SUN1: variants seen among roughly 807,000 people sequenced by gnomAD.
The protein encoded by SUN1 is SUN domain-containing protein 1.
A neutral mutation model predicts 103.2 loss-of-function variants in SUN1; 61 were observed. That is an observed-to-expected ratio of 0.59 (90% CI 0.48 to 0.73). SUN1 has a LOEUF of 0.73. Among genes scored for constraint, SUN1 ranks in the 30% least tolerant of loss-of-function variants. The pLI, the probability that SUN1 is intolerant of heterozygous loss-of-function variation, is 0.00. For synonymous variants in SUN1, 490 were observed against 425.7 expected, an observed-to-expected ratio of 1.15 and a Z score of -1.86; for missense variants, 1,052 against 1,034.6, an observed-to-expected ratio of 1.02 and a Z score of -0.23.
chr7:851,972 C>G lies in SUN1; in HGVS notation c.780C>G (p.Phe260Leu), dbSNP rs1261213662. Residue 260 changes from phenylalanine to leucine, a missense_variant, in exon 7 of 19, where the codon TTC (phenylalanine) becomes TTG (leucine). Physicochemically the swap from Phe to Leu is conservative, Grantham distance 22. Around this residue, in one of 2 missense-constraint regions of SUN1, gnomAD observed 846 missense variants for 774.5 expected, o/e 1.09. Coordinates refer to ENST00000401592, the MANE Select transcript of SUN1 (RefSeq NM_001130965.3). ...TAGGGAAGGCAGCCTCTGGAGTGTT[C>G]TGGTGGCTGGGGATTGGATGGTACC... is the stretch of plus-strand genomic sequence containing the variant. Reference protein sequence around the residue: ...VAPGKAASGVFWWLGIGWYQF... With the variant: ...VAPGKAASGVLWWLGIGWYQF... 3.7e-6 allele frequency: 6 copies of G among 1,614,050 alleles called. No individual in the cohort carries two copies. In the South Asian group the frequency reaches 5.5e-5, roughly 15 times the overall value.
Position 873,293 on chromosome 7 carries a change from C to G in SUN1, c.2320C>G (p.Leu774Val), listed in dbSNP as rs761425234. ...SNWGHPEYTC[L>V]YRFRVHGEPV... The stretch of plus-strand genomic sequence containing the variant: ...CTGGGGCCATCCTGAGTATACCTGT[C>G]TGTATCGGTTCAGAGTTCATGGCGA... Residue 774 changes from leucine to valine, a missense_variant, in exon 19 of 19, where the codon CTG becomes GTG. Transcript: ENST00000401592. 5 of 1,614,240 alleles carry G rather than the reference C, an allele frequency of 3.1e-6. No homozygotes were observed. Among genetic ancestry groups the G allele is most frequent in the Non-Finnish European group, 3.4e-6 (4 of 1,180,050 alleles).
intron 13 of SUN1, among the ~76,000 whole-genome samples, chr7:859,273 C>CGAGGAT (rs1406830450): frequency 2.6e-5 from 4 of 152,104 alleles, no homozygotes; most frequent in African/African-American, 9.7e-5. Flanking sequence ...CCCACGAGGA[C>CGAGGAT]GATGGCTGCT....
intron 5 of SUN1, chr7:848,742 C>A: frequency 1.9e-6 from 1 of 527,838 alleles, no homozygotes; most frequent in Non-Finnish European, 3.0e-6. Flanking sequence ...TGGCTCTCTC[C>A]TGGCTTCCCC....
At chr7:818,493 A>G (rs937661213) in intron 1 of SUN1, among the ~76,000 whole-genome samples, 4 of 152,220 alleles carry the variant, frequency 2.6e-5, no homozygotes, top group East Asian at 1.9e-4. Flanking sequence ...TAATGCAGCT[A>G]CTATGAACAT....
intron 1 of SUN1, among the ~76,000 whole-genome samples, chr7:825,323 A>C (rs1178702736): frequency 6.6e-6 from 1 of 152,126 alleles, no homozygotes; most frequent in Admixed American, 6.5e-5. Context: ...CGGCCTCCCA[A>C]AGTGTTGGGA....
upstream of SUN1, among the ~76,000 whole-genome samples, chr7:815,590 A>G (rs1450285131): frequency 6.6e-6 from 1 of 152,182 alleles, no homozygotes; most frequent in Middle Eastern, 3.2e-3. Context: ...AAAAAAAACA[A>G]AAGAGCAAAA....
intron 17 of SUN1, among the ~76,000 whole-genome samples, chr7:871,620 C>T (rs943359347): frequency 6.6e-6 from 1 of 152,202 alleles, no homozygotes; most frequent in African/African-American, 2.4e-5. Context: ...AATCTCCTGA[C>T]CTTCTGATCC....
rs780189254 is a variant in SUN1, at chr7:860,130, G to GGAC, written c.1529_1531dup (p.Asp510dup). The stretch of plus-strand genomic sequence containing the variant: ...GTGTCCGTCTGCTGTTTTACTAGGT[G>GGAC]GACGTGCAAGTCAGAGAAATGGTGA... On this transcript the variant is annotated inframe_insertion, in exon 14 of 19. Coordinates refer to ENST00000401592, the MANE Select transcript of SUN1 (RefSeq NM_001130965.3). 6.2e-7 allele frequency: 1 copy of GGAC among 1,613,732 alleles called. No homozygotes were observed. Among genetic ancestry groups the GGAC allele is most frequent in the South Asian group, 1.1e-5 (1 of 91,074 alleles).
At chr7:821,887 G>A (rs754456618) in intron 1 of SUN1, among the ~76,000 whole-genome samples, 2 of 152,192 alleles carry the variant, frequency 1.3e-5, no homozygotes, top group East Asian at 1.9e-4. Flanking sequence ...GCCCAGTGTC[G>A]TCGGCCTCAC....
At chr7:824,464 C>G (rs1477185255) in intron 1 of SUN1, among the ~76,000 whole-genome samples, 1 of 152,184 alleles carries the variant, frequency 6.6e-6, no homozygotes, top group African/African-American at 2.4e-5. Flanking sequence ...GAAGCAAATA[C>G]AATGAAACTA....
rs41273066 is a variant in SUN1, at chr7:842,045, C to T, written c.366C>T (p.Val122=). 23,812 of 1,614,188 alleles carry T rather than the reference C, an allele frequency of 0.015. 241 individuals carry two copies. Among genetic ancestry groups the T allele is most frequent in the South Asian group, 0.019 (1,706 of 91,084 alleles). The part of the protein sequence containing the change: ...TSSGVSHGGT[V]SLQDAVTRRP... ...CTGGCGTCAGCCACGGCGGCACTGT[C>T]AGCCTGCAGGATGCTGTGACTCGAC... The change falls in exon 3 of 19, where the codon GTC becomes GTT. Residue 122 remains valine, a synonymous_variant. Transcript: ENST00000401592.
At chr7:871,744 C>T (rs1023936208) in intron 17 of SUN1, among the ~76,000 whole-genome samples, 4 of 152,232 alleles carry the variant, frequency 2.6e-5, no homozygotes, top group Non-Finnish European at 4.4e-5. Context: ...TACTCACTCG[C>T]TGGAACTTCT....
At position 851,452 on chromosome 7, in the gene SUN1, T is replaced by G; in HGVS notation, c.727T>G (p.Ser243Ala). ...VGQAVSRTAW[S>A]ALWLAVVAPG... ...CCAGGCTGTGTCCAGGACGGCGTGG[T>G]CGGCCCTTTGGCTGGCCGTGGTTGC... The change falls in exon 6 of 19, where the codon TCG becomes GCG. Residue 243 changes from serine to alanine, a missense_variant. Around this residue, in one of 2 missense-constraint regions of SUN1, gnomAD observed 846 missense variants for 774.5 expected, o/e 1.09. Coordinates refer to ENST00000401592, the MANE Select transcript of SUN1 (RefSeq NM_001130965.3). 1.2e-6 allele frequency: 2 copies of G among 1,609,678 alleles called. No individual in the cohort carries two copies. The highest frequency in any genetic ancestry group is 8.5e-7 in the Non-Finnish European group (1 of 1,178,064).
chr7:831,058 G>A, upstream of SUN1: 1 of 970,658 alleles, frequency 1.0e-6, no homozygotes, highest in Non-Finnish European at 1.2e-6. Flanking sequence ...AGATTTAGGT[G>A]TTGGTTAAAG....
intron 5 of SUN1, chr7:850,158 A>G: frequency 1.1e-6 from 1 of 901,942 alleles, no homozygotes; most frequent in Non-Finnish European, 1.7e-6. Context: ...GAATAGTATT[A>G]ACTTTGGTTT....
At chr7:818,882 G>A (rs1317603335) in intron 1 of SUN1, among the ~76,000 whole-genome samples, 4 of 111,930 alleles carry the variant, frequency 3.6e-5, no homozygotes, top group African/African-American at 1.3e-4. Flanking sequence ...TTTTTTTTTT[G>A]AGACGGAGTT....
intron 2 of SUN1, among the ~76,000 whole-genome samples, chr7:840,565 G>A (rs181383933): frequency 6.6e-6 from 1 of 151,740 alleles, no homozygotes; most frequent in Admixed American, 6.6e-5. Context: ...TTCACAGGGT[G>A]TTTTCATCTG....
intron 6 of SUN1, 178 bp downstream of exon 6, chr7:851,660 A>AAT: frequency 1.5e-6 from 1 of 686,996 alleles, no homozygotes; most frequent in Non-Finnish European, 2.4e-6. Flanking sequence ...TTGCTGCATG[A>AAT]GCGCCCTTGG....
intron 1 of SUN1, among the ~76,000 whole-genome samples, chr7:823,633 T>C (rs1788523756): frequency 1.3e-5 from 2 of 151,956 alleles, no homozygotes; most frequent in East Asian, 1.9e-4. Context: ...CAGGCAGCCA[T>C]GGGGGGAGTC....
Sources: allele counts gnomAD v4.1 joint callset (sites outside exome capture counted in the v4.1 genomes callset), GRCh38; gene constraint gnomAD v4.1.1; regional missense constraint gnomAD v4.1.1; transcripts MANE v1.5; gene names NCBI Gene and HGNC (gene_info 2026-07-23, HGNC 2026-07-21).